Variants in CNKSR2 observed in about 807,000 individuals in gnomAD.
CNKSR2 encodes connector enhancer of kinase suppressor of Ras 2.
CNKSR2 carries 14 observed loss-of-function variants against 84.4 expected under a neutral mutation model. That is an observed-to-expected ratio of 0.17 (90% CI 0.11 to 0.26). The LOEUF is 0.26. Ranked by LOEUF, CNKSR2 falls within the 10% of genes least tolerant of loss-of-function variation. The probability of loss-of-function intolerance (pLI) is 1.00; values close to 1 mark genes in which losing one functional copy is unlikely to be tolerated. For synonymous variants in CNKSR2, 275 were observed against 277.9 expected (o/e 0.99, Z 0.10); for missense variants, 485 against 771.2 (o/e 0.63, Z 4.40).
At chrX:21,423,245 A>G (rs1156668845) in intron 1 of CNKSR2, 1 of 111,640 alleles carries the variant, frequency 9.0e-6, no homozygotes, top group Non-Finnish European at 1.9e-5. Context: ...AATTCTGCAT[A>G]GTCTTTAAGA....
At chrX:21,509,610 G>T (rs963847161) in intron 8 of CNKSR2, among the ~76,000 whole-genome samples, 1 of 111,360 alleles carries the variant, frequency 9.0e-6, no homozygotes, top group Non-Finnish European at 1.9e-5. Flanking sequence ...ATATTCCTTT[G>T]TACCTGAACC....
At chrX:21,391,638 C>T (rs763281104) in intron 1 of CNKSR2, among the ~76,000 whole-genome samples, 14 of 112,041 alleles carry the variant, frequency 1.2e-4, no homozygotes, top group Non-Finnish European at 2.1e-4. Context: ...GCCTCTGACA[C>T]GAGGGGCTGC....
chrX:21,436,300 T>C (rs1316989633), intron 3 of CNKSR2, among the ~76,000 whole-genome samples: 2 of 111,907 alleles, frequency 1.8e-5, no homozygotes, highest in Non-Finnish European at 3.8e-5. Flanking sequence ...AGATTTTCCT[T>C]ATTAACCTCT....
At chrX:21,495,821 A>C (rs868725744) in intron 6 of CNKSR2, 2 of 94,209 alleles carry the variant, frequency 2.1e-5, no homozygotes, top group Non-Finnish European at 4.2e-5. Context: ...AAAAAAAAAA[A>C]ACACGAAAAA....
At chrX:21,526,705 G>A (rs1217312259) in intron 9 of CNKSR2, among the ~76,000 whole-genome samples, 162 bp from the exon 10 acceptor site, 1 of 111,369 alleles carries the variant, frequency 9.0e-6, no homozygotes, top group Non-Finnish European at 1.9e-5. Context: ...GAATATCCAT[G>A]TACTAAATAA....
chrX:21,555,208 A>G (rs1016177070), intron 11 of CNKSR2, among the ~76,000 whole-genome samples: 2 of 110,413 alleles, frequency 1.8e-5, no homozygotes, highest in African/African-American at 3.3e-5. Context: ...TATTTTGGAA[A>G]TGAGATTTTA....
At chrX:21,532,344 T>G (rs2091893584) in intron 11 of CNKSR2, 1 of 191,305 alleles carries the variant, frequency 5.2e-6, no homozygotes, top group Admixed American at 7.5e-5. Context: ...GTATTTCTTG[T>G]GTGTTAGATG....
At chrX:21,645,058 T>C (rs1300396813) in intron 20 of CNKSR2, 11 of 111,795 alleles carry the variant, frequency 9.8e-5, no homozygotes, top group Admixed American at 9.5e-4. Context: ...CTTTCAGTTA[T>C]CACTTACTAC....
intron 13 of CNKSR2, among the ~76,000 whole-genome samples, chrX:21,581,199 T>C (rs1327055663): frequency 8.9e-6 from 1 of 112,147 alleles, no homozygotes; most frequent in Non-Finnish European, 1.9e-5. Flanking sequence ...TTGGTGATCA[T>C]TAACTGGTTT....
At chrX:21,635,377 AAT>A (rs2092665927) in intron 20 of CNKSR2, among the ~76,000 whole-genome samples, 1 of 77,523 alleles carries the variant, frequency 1.3e-5, no homozygotes. Flanking sequence ...ATCTAAAATA[AAT>A]GTGTGTGTGT....
At chrX:21,626,205 C>T (rs2092622353) in intron 20 of CNKSR2, among the ~76,000 whole-genome samples, 1 of 85,212 alleles carries the variant, frequency 1.2e-5, no homozygotes, top group Non-Finnish European at 2.2e-5. Flanking sequence ...AATAAGGTTT[C>T]ACCAGGAGAA....
At chrX:21,406,961 A>G (rs1364361706) in intron 1 of CNKSR2, among the ~76,000 whole-genome samples, 2 of 111,734 alleles carry the variant, frequency 1.8e-5, no homozygotes, top group East Asian at 5.6e-4. Context: ...TTTTTTCTTA[A>G]CAATTAAACC....
chrX:21,376,838 A>T (rs1021140248), intron 1 of CNKSR2, among the ~76,000 whole-genome samples: 1 of 111,050 alleles, frequency 9.0e-6, no homozygotes, highest in African/African-American at 3.3e-5. Flanking sequence ...CTCAGTCTCC[A>T]CCTCCCACCC....
chrX:21,564,053 C>G (rs1278656018), intron 13 of CNKSR2, among the ~76,000 whole-genome samples: 2 of 110,876 alleles, frequency 1.8e-5, no homozygotes, highest in Non-Finnish European at 3.8e-5. Flanking sequence ...ATATGAGAAG[C>G]AGTATTTTAG....
At chrX:21,385,505 C>G (rs1443826724) in intron 1 of CNKSR2, among the ~76,000 whole-genome samples, 1 of 111,638 alleles carries the variant, frequency 9.0e-6, no homozygotes, top group Non-Finnish European at 1.9e-5. Context: ...AGGTGCTTTC[C>G]CTACATTACA....
chrX:21,512,410 A>T (rs189349076), intron 8 of CNKSR2, among the ~76,000 whole-genome samples: 2 of 112,134 alleles, frequency 1.8e-5, no homozygotes, highest in East Asian at 5.7e-4. Flanking sequence ...CACATTGAAG[A>T]AAAGTAATCT....
chrX:21,464,387 G>A (rs1057282948), intron 4 of CNKSR2, among the ~76,000 whole-genome samples: 8 of 111,943 alleles, frequency 7.1e-5, no homozygotes, highest in Non-Finnish European at 5.6e-5. Flanking sequence ...CCTCTTCTGT[G>A]CCTCTTTCAA....
chrX:21,619,304 A>G (rs768628702), intron 20 of CNKSR2, among the ~76,000 whole-genome samples: 3 of 112,277 alleles, frequency 2.7e-5, no homozygotes, highest in African/African-American at 9.7e-5. Context: ...TTAATGTTAC[A>G]CTATAATCAT....
intron 20 of CNKSR2, among the ~76,000 whole-genome samples, chrX:21,615,993 C>T (rs1272914938): frequency 8.9e-6 from 1 of 111,741 alleles, no homozygotes; most frequent in Non-Finnish European, 1.9e-5. Flanking sequence ...CATTTGGGAA[C>T]TCAAAAGAAA....
Sources: allele counts gnomAD v4.1 joint callset (sites outside exome capture counted in the v4.1 genomes callset), GRCh38; gene constraint gnomAD v4.1.1; transcripts MANE v1.5; gene names NCBI Gene and HGNC (gene_info 2026-07-23, HGNC 2026-07-21).